Variants in ABCC8 observed in about 807,000 individuals in gnomAD.
ABCC8 encodes the protein ATP binding cassette subfamily C member 8, also known as ATP-binding cassette sub-family C member 8.
Under a neutral mutation model 188.0 loss-of-function variants are expected in ABCC8, and 137 were observed. The ratio of observed to expected loss-of-function variants is 0.73; its 90% CI spans 0.63 to 0.84. The LOEUF (loss-of-function observed/expected upper bound fraction) is 0.84. Ranked by LOEUF, ABCC8 falls within the 40% of genes least tolerant of loss-of-function variation. ABCC8 has a pLI of 0.00. For synonymous variants in ABCC8, 797 were observed against 846.5 expected (o/e 0.94, Z 1.01); for missense variants, 1,750 against 2,072.7 (o/e 0.84, Z 3.02).
At chr11:17,434,984 C>CGCGCGCGTGTGTGT (rs71457876) in intron 10 of ABCC8, among the ~76,000 whole-genome samples, 1 of 144,650 alleles carries the variant, frequency 6.9e-6, no homozygotes, top group South Asian at 2.3e-4. Flanking sequence ...CGTGTGTTCG[C>CGCGCGCGTGTGTGT]GTGTGTGTGT....
chr11:17,398,262 A>G (rs939119507), intron 30 of ABCC8, 77 bp downstream of exon 30: 1 of 1,559,728 alleles, frequency 6.4e-7, no homozygotes. Flanking sequence ...CCTCTCTTTC[A>G]TCCCCAGGTA....
In ABCC8 at chr11:17,474,939, G is replaced by A; in HGVS notation, c.237C>T (p.Phe79=). The A allele has an allele frequency of 6.2e-7, 1 of 1,614,200 alleles. No individual in the cohort carries two copies. Among genetic ancestry groups the A allele is most frequent in the South Asian group, 1.1e-5 (1 of 91,082 alleles). Residue 79 remains phenylalanine (F), a synonymous_variant, in exon 2 of 39, where the codon TTC becomes TTT. Transcript: ENST00000389817. ...PGHNLRWILT[F]MLLFVLVCEI... ...CACACACCAGGACGAAGAGCAGCAT[G>A]AAGGTCAGGATCCACCGCAGGTTGT...
At position 17,413,097 on chromosome 11, in the gene ABCC8, G is replaced by A. The variant is rs140509056; in HGVS notation, c.2475+297C>T. ...GGGGACCCCATCTGGAGGATGAACA[G>A]GAACAATACAACCCCAGGCTGAGCA... On this transcript the variant is annotated intron_variant, in intron 20 of 38. Coordinates refer to ENST00000389817, the MANE Select transcript of ABCC8 (RefSeq NM_000352.6). The A allele has an allele frequency of 2.4e-3, 1,422 of 600,502 alleles. 11 individuals are homozygous for A. Among genetic ancestry groups the A allele is most frequent in the African/African-American group, 0.022 (1,186 of 53,904 alleles). The allele number at this position is 600,502 out of a possible 1,614,324, so 37.2% of individuals were successfully genotyped here. A position where few individuals can be genotyped will look rare whatever the true frequency, so the allele number is the denominator to read the frequency against.
chr11:17,428,740 G>A, intron 12 of ABCC8, 70 bp from the exon 13 acceptor site: 1 of 1,594,580 alleles, frequency 6.3e-7, no homozygotes, highest in Non-Finnish European at 8.5e-7. Flanking sequence ...GGCGCAGCCT[G>A]ATAGAGAGCT....
chr11:17,461,585 C>T lies in ABCC8; in HGVS notation c.820G>A (p.Val274Met). Residue 274 changes from valine to methionine, a missense_variant and splice_region_variant, in exon 5 of 39, where the codon GTG (valine) becomes ATG (methionine). Physicochemically the swap from Val to Met is conservative, Grantham distance 21. Transcript: ENST00000389817. ...GGTGTGGCTGTGCCCCCACTGACCA[C>T]CTGGGCGTCAAAGGCCTCGCAGAGC... ...QRLCEAFDAQ[V>M]RKDIQGTQGA... 1 of 1,614,258 alleles carries T rather than the reference C, an allele frequency of 6.2e-7. No individual in the cohort carries two copies. The highest frequency in any genetic ancestry group is 1.3e-5 in the African/African-American group (1 of 75,066).
Position 17,461,803 on chromosome 11 carries a change from G to C in ABCC8, c.602C>G (p.Pro201Arg). Residue 201 changes from proline (P) to arginine (R), a missense_variant, in exon 5 of 39, where the codon CCG (proline) becomes CGG (arginine). Transcript: ENST00000389817. ...RVRRYIFFKT[P>R]REVKPPEDLQ... ...GTCCTCGGGAGGCTTCACCTCCCTC[G>C]GTGTCTTGAAGAAGATGTATCTCTG... 6.2e-7 allele frequency: 1 copy of C among 1,614,102 alleles called. No individual in the cohort carries two copies.
intron 28 of ABCC8, 180 bp from the exon 29 acceptor site, chr11:17,402,933 C>T (rs1214401653): frequency 4.8e-6 from 1 of 208,400 alleles, no homozygotes; most frequent in Non-Finnish European, 8.4e-6. Flanking sequence ...TTTGTGAGCA[C>T]TGAATGAGAT....
chr11:17,427,256 T>C lies in ABCC8; in HGVS notation c.2117-102A>G. The stretch of plus-strand genomic sequence containing the variant: ...CAGATGCACCCAACCCTGGGGCCCC[T>C]GTTTTCTTTCTTCCTACCTAGAATC... On this transcript the variant is annotated intron_variant, in intron 15 of 38. Transcript: ENST00000389817. The surrounding 1 kb of genome is among the most constrained non-coding windows in gnomAD (Gnocchi z 5.0). 8 of 1,382,268 alleles carry C rather than the reference T, an allele frequency of 5.8e-6. No individual in the cohort carries two copies. Among genetic ancestry groups the C allele is most frequent in the Non-Finnish European group, 6.5e-6 (7 of 1,069,758 alleles). 85.6% of individuals were successfully genotyped at this position (1,382,268 alleles called of 1,614,324 possible).
chr11:17,407,411 G>A lies in ABCC8; in HGVS notation c.2863C>T (p.Leu955=), dbSNP rs200877883. The change falls in exon 24 of 39, where the codon CTA becomes TTA. Residue 955 remains leucine (L), a synonymous_variant. Coordinates refer to ENST00000389817, the MANE Select transcript of ABCC8 (RefSeq NM_000352.6). ...ERKATEPPQG[L]SRAMSSRDGL... ...TCCCTCGAGGACATGGCACGAGATA[G>A]GCCCTGGGGTGGCTCTGTGGCTTTT... The A allele has an allele frequency of 1.2e-6, 2 of 1,614,196 alleles. No homozygotes were observed. Among genetic ancestry groups the A allele is most frequent in the Non-Finnish European group, 1.7e-6 (2 of 1,180,046 alleles).
In ABCC8 at chr11:17,448,675, G is replaced by A; in HGVS notation, c.1177-4C>T. 2 of 1,614,152 alleles carry A rather than the reference G, an allele frequency of 1.2e-6. No individual in the cohort carries two copies. The highest frequency in any genetic ancestry group is 1.7e-6 in the Non-Finnish European group (2 of 1,180,018). ...TAATTTTATTGTAAATCTTGGTCTA[G>A]AAATGAGAGCAGAGTGTTTCACATT... On this transcript the variant is annotated splice_region_variant and splice_polypyrimidine_tract_variant and intron_variant, in intron 7 of 38. Transcript: ENST00000389817.
chr11:17,435,825 T>A, intron 10 of ABCC8: 2 of 1,253,828 alleles, frequency 1.6e-6, no homozygotes, highest in Non-Finnish European at 2.3e-6. Context: ...GGAAGATGAG[T>A]GCAAACTTAG....
chr11:17,404,817 A>C lies in ABCC8; in HGVS notation c.3400-148T>G. The C allele has an allele frequency of 7.7e-7, 1 of 1,291,852 alleles. No homozygotes were observed. The highest frequency in any genetic ancestry group is 1.1e-6 in the Non-Finnish European group (1 of 935,226). 80.0% of individuals were successfully genotyped at this position (1,291,852 alleles called of 1,614,324 possible). A position where few individuals can be genotyped will look rare whatever the true frequency, so the allele number is the denominator to read the frequency against. On this transcript the variant is annotated intron_variant, in intron 27 of 38. Transcript: ENST00000389817. The surrounding 1 kb of genome is among the most constrained non-coding windows in gnomAD (Gnocchi z 4.7). ...CTCACTGTTGCCCAGACTTGAGTGCAGCAGCGTAATCTCGGTTCACGGCAG... is the reference window on the plus strand; with the variant it reads ...CTCACTGTTGCCCAGACTTGAGTGCCGCAGCGTAATCTCGGTTCACGGCAG...
In ABCC8 at chr11:17,453,316, A is replaced by G. The variant is rs2133642717; in HGVS notation, c.1012-33T>C. The stretch of plus-strand genomic sequence containing the variant: ...AAAGAGAAGTTCAGAGGTGACTGTC[A>G]TTGCCAGCAAAATGACCACCGTAGA... On this transcript the variant is annotated intron_variant, in intron 6 of 38. Transcript: ENST00000389817. 4 of 1,612,792 alleles carry G rather than the reference A, an allele frequency of 2.5e-6. No homozygotes were observed. The East Asian group carries it at 8.9e-5, about 36-fold the overall frequency.
In ABCC8 at chr11:17,442,845, A is replaced by G; in HGVS notation, c.1505T>C (p.Met502Thr). Reference sequence around the variant, plus strand: ...CTTCAGCAGCTTGATGCCGCGGAGCATCTCGTTGGTCTGCTTCAGCCGCTC... The same window carrying G: ...CTTCAGCAGCTTGATGCCGCGGAGCGTCTCGTTGGTCTGCTTCAGCCGCTC... ...SNERLKQTNE[M>T]LRGIKLLKLY... Residue 502 changes from methionine (M) to threonine (T), a missense_variant, in exon 10 of 39, where the codon ATG becomes ACG. Physicochemically the swap from Met to Thr is moderately conservative, Grantham distance 81. Coordinates refer to ENST00000389817, the MANE Select transcript of ABCC8 (RefSeq NM_000352.6). 1 of 1,613,842 alleles carries G rather than the reference A, an allele frequency of 6.2e-7. No individual in the cohort carries two copies. Among genetic ancestry groups the G allele is most frequent in the African/African-American group, 1.3e-5 (1 of 74,956 alleles).
At chr11:17,470,951 T>C (rs1848446859) in intron 2 of ABCC8, among the ~76,000 whole-genome samples, 1 of 152,166 alleles carries the variant, frequency 6.6e-6, no homozygotes, top group Admixed American at 6.5e-5. Context: ...GTCGTGATCA[T>C]GCCCTTCCAC....
chr11:17,444,560 C>T (rs1294531027), intron 8 of ABCC8, among the ~76,000 whole-genome samples: 3 of 152,210 alleles, frequency 2.0e-5, no homozygotes, highest in Non-Finnish European at 4.4e-5. Flanking sequence ...CATGCTCCCC[C>T]ATCCCCTCCT....
Position 17,395,944 on chromosome 11 carries a change from A to G in ABCC8, c.4120-14T>C, listed in dbSNP as rs1352708297. 2 of 1,565,262 alleles carry G rather than the reference A, an allele frequency of 1.3e-6. No individual in the cohort carries two copies. The highest frequency in any genetic ancestry group is 4.7e-5 in the East Asian group (2 of 42,572). ...GCAGATCCCGATCTGGAAAGAGAGAAGCAGGCACCGCCACTGGGACTCTGG... is the reference window on the plus strand; with the variant it reads ...GCAGATCCCGATCTGGAAAGAGAGAGGCAGGCACCGCCACTGGGACTCTGG... On this transcript the variant is annotated splice_polypyrimidine_tract_variant and intron_variant, in intron 33 of 38. Transcript: ENST00000389817.
chr11:17,417,034 C>T, intron 16 of ABCC8, 72 bp from the exon 17 acceptor site: 2 of 1,607,138 alleles, frequency 1.2e-6, no homozygotes, highest in Non-Finnish European at 8.5e-7. Flanking sequence ...CACGCTGAGT[C>T]TTAGGGGAGA....
intron 16 of ABCC8, among the ~76,000 whole-genome samples, chr11:17,425,870 G>T (rs908400606): frequency 1.4e-5 from 2 of 139,584 alleles, no homozygotes; most frequent in South Asian, 4.8e-4. Flanking sequence ...AGTGTGTGAT[G>T]TTCCCCTCCC....
Sources: gnomAD v4.1 joint callset for allele counts (sites outside exome capture counted in the v4.1 genomes callset) on GRCh38, gnomAD v4.1.1 for gene constraint, Gnocchi (gnomAD v3.1) non-coding constraint, MANE v1.5 for transcripts, NCBI Gene and HGNC (gene_info 2026-07-23, HGNC 2026-07-21) for gene names.